The following EPS15 variants were observed in gnomAD, a reference collection of about 807,000 sequenced individuals.
EPS15 encodes the protein epidermal growth factor receptor pathway substrate 15.
A neutral mutation model predicts 113.8 loss-of-function variants in EPS15; 72 were observed. The ratio of observed to expected loss-of-function variants is 0.63; its 90% CI spans 0.52 to 0.77. EPS15 has a LOEUF of 0.77. Ranked by LOEUF, EPS15 falls within the 30% of genes least tolerant of loss-of-function variation. The pLI is 0.00. For synonymous variants in EPS15, 344 were observed against 363.4 expected, an observed-to-expected ratio of 0.95 and a Z score of 0.61; for missense variants, 1,048 against 1,045.8, an observed-to-expected ratio of 1.00 and a Z score of -0.03.
chr1:51,377,461 A>C (rs1468320683), intron 21 of EPS15, among the ~76,000 whole-genome samples: 1 of 152,196 alleles, frequency 6.6e-6, no homozygotes, highest in Admixed American at 6.5e-5. Context: ...GATGTGACTG[A>C]ATTGCTGAAA....
chr1:51,448,118 G>A lies in EPS15; in HGVS notation c.579C>T (p.Tyr193=), dbSNP rs1028708206. 1 of 1,612,184 alleles carries A rather than the reference G, an allele frequency of 6.2e-7. No homozygotes were observed. The highest frequency in any genetic ancestry group is 1.1e-5 in the South Asian group (1 of 90,952). ...DEFAVAMFLV[Y]CALEKEPVPM... is the part of the protein sequence containing the mutation. ...GCACAGGTTCTTTCTCCAGTGCACA[G>A]TATACCAAAAACATGGCCTTCAAAA... Residue 193 remains tyrosine (Y), a synonymous_variant, in exon 9 of 25, where the codon TAC becomes TAT. Transcript: ENST00000371733.
At chr1:51,398,914 TATATGGTCCATTA>T (rs1221712739) in intron 20 of EPS15, 105 bp downstream of exon 20, 1 of 878,906 alleles carries the variant, frequency 1.1e-6, no homozygotes, top group Admixed American at 2.8e-5. Context: ...CTGAAATTCT[TATATGGTCCATTA>T]GAAGTAATCT....
At chr1:51,436,112 G>A (rs1406320546) in intron 12 of EPS15, among the ~76,000 whole-genome samples, 2 of 152,224 alleles carry the variant, frequency 1.3e-5, no homozygotes, top group Non-Finnish European at 2.9e-5. Context: ...CACTGTATCT[G>A]TTCTCAAATA....
intron 21 of EPS15, among the ~76,000 whole-genome samples, chr1:51,384,685 G>A (rs1400033968): frequency 6.6e-6 from 1 of 152,106 alleles, no homozygotes; most frequent in Non-Finnish European, 1.5e-5. Flanking sequence ...CAAACTTTCT[G>A]ATTTCAAATC....
At position 51,461,148 on chromosome 1, in the gene EPS15, A is replaced by G. The variant is rs760745707; in HGVS notation, c.504T>C (p.Val168=). 3 of 1,593,814 alleles carry G rather than the reference A, an allele frequency of 1.9e-6. No individual in the cohort carries two copies. Among genetic ancestry groups the G allele is most frequent in the Admixed American group, 1.7e-5 (1 of 59,956 alleles). ...SKLPVDILGR[V]WELSDIDHDG... is the part of the protein sequence containing the mutation. ...CATGGTCAATATCACTCAACTCCCA[A>G]ACCTTAAAAAGAGAATAATTGAAAA... is the stretch of plus-strand genomic sequence containing the variant. The change falls in exon 8 of 25, where the codon GTT becomes GTC. Residue 168 remains valine, a splice_region_variant and synonymous_variant. Transcript: ENST00000371733.
At chr1:51,445,929 G>A (rs1653012229) in intron 10 of EPS15, among the ~76,000 whole-genome samples, 1 of 152,210 alleles carries the variant, frequency 6.6e-6, no homozygotes, top group Non-Finnish European at 1.5e-5. Context: ...TTAAGCCCGT[G>A]ACAACTGCCA....
At chr1:51,420,382 T>C (rs996263052) in intron 13 of EPS15, among the ~76,000 whole-genome samples, 5 of 152,160 alleles carry the variant, frequency 3.3e-5, no homozygotes. Context: ...GTAGATATAC[T>C]CAACAAAATA....
chr1:51,402,870 A>AC (rs1231279740), intron 17 of EPS15, among the ~76,000 whole-genome samples: 6 of 152,190 alleles, frequency 3.9e-5, no homozygotes, highest in African/African-American at 1.4e-4. Flanking sequence ...ACACTACTGC[A>AC]CTCAAGGCTG....
rs1435437121 is a variant in EPS15 at position 51,399,041 on chromosome 1, A to T, written c.2043T>A (p.Ser681Arg). ...TDPFSAANNSSITSVETLKHN... is the reference protein window; with the variant it reads ...TDPFSAANNSRITSVETLKHN... ...TAATTCTCCCACTTACCGATGTAAT[A>T]CTGCTATTGTTGGCTGCACTGAAAG... The change falls in exon 20 of 25, where the codon AGT (serine) becomes AGA (arginine). Residue 681 changes from serine (S) to arginine (R), a missense_variant. Ser to Arg is a moderately radical substitution (Grantham distance 110). Transcript: ENST00000371733. 6.2e-7 allele frequency: 1 copy of T among 1,613,054 alleles called. No individual in the cohort carries two copies. The highest frequency in any genetic ancestry group is 1.7e-5 in the Admixed American group (1 of 59,696).
In EPS15 at chr1:51,356,392, A is replaced by C. The variant is rs540976530; in HGVS notation, c.*308T>G. ...TATTTCTCTATATTCCAGAAGGCAG[A>C]AGCTTGGGTGCTCTAGCTTTACAAG... On this transcript the variant is annotated 3_prime_UTR_variant, in exon 25 of 25. Transcript: ENST00000371733. The C allele has an allele frequency of 2.8e-3, 849 of 302,580 alleles. 2 individuals carry two copies. Among genetic ancestry groups the C allele is most frequent in the Non-Finnish European group, 3.9e-3 (632 of 163,506 alleles). The allele number at this position is 302,580 out of a possible 1,614,324, so 18.7% of individuals were successfully genotyped here.
intron 21 of EPS15, among the ~76,000 whole-genome samples, chr1:51,384,823 C>A (rs1038999862): frequency 6.6e-6 from 1 of 152,048 alleles, no homozygotes; most frequent in Admixed American, 6.5e-5. Flanking sequence ...TTTCAAGAAA[C>A]GTGCCAAGAA....
chr1:51,394,396 C>T lies in EPS15; in HGVS notation c.2104G>A (p.Ala702Thr), dbSNP rs1647700566. 1.9e-6 allele frequency: 3 copies of T among 1,599,258 alleles called. No homozygotes were observed. The highest frequency in any genetic ancestry group is 8.5e-7 in the Non-Finnish European group (1 of 1,170,022). The change falls in exon 21 of 25, where the codon GCA becomes ACA. Residue 702 changes from alanine to threonine, a missense_variant. Physicochemically the swap from Ala to Thr is moderately conservative, Grantham distance 58. Transcript: ENST00000371733. Reference sequence around the variant, plus strand: ...ATTTATTTACCTGAATCGCTTGCTGCAACAACTGTTCCACCAGGAGCAAAA... The same window carrying T: ...ATTTATTTACCTGAATCGCTTGCTGTAACAACTGTTCCACCAGGAGCAAAA... ...DPFAPGGTVV[A>T]ASDSATDPFA...
chr1:51,506,656 AAC>A (rs1644503445), intron 1 of EPS15, among the ~76,000 whole-genome samples: 1 of 152,058 alleles, frequency 6.6e-6, no homozygotes. Flanking sequence ...CAGAGAGACA[AAC>A]CAGGACATTT....
chr1:51,442,390 T>G (rs1652663181), intron 11 of EPS15, among the ~76,000 whole-genome samples: 1 of 152,110 alleles, frequency 6.6e-6, no homozygotes, highest in African/African-American at 2.4e-5. Context: ...CAAAAAAAGG[T>G]GACTCACATT....
At chr1:51,377,499 G>A (rs1646828303) in intron 21 of EPS15, among the ~76,000 whole-genome samples, 1 of 152,156 alleles carries the variant, frequency 6.6e-6, no homozygotes, top group Non-Finnish European at 1.5e-5. Flanking sequence ...AACCAAAGAG[G>A]AGTTGCCTCT....
chr1:51,354,975 A>G lies in EPS15; in HGVS notation c.*1725T>C, dbSNP rs1646188327. ...TCCTAAGGAGTAAGAGGAAGAAAAT[A>G]AACAAAAATACCACCTATCACAACT... On this transcript the variant is annotated 3_prime_UTR_variant, in exon 25 of 25. Coordinates refer to ENST00000371733, the MANE Select transcript of EPS15 (RefSeq NM_001981.3). 4.5e-6 allele frequency: 1 copy of G among 220,214 alleles called. No homozygotes were observed. The allele number at this position is 220,214 out of a possible 1,614,324, so 13.6% of individuals were successfully genotyped here.
intron 4 of EPS15, among the ~76,000 whole-genome samples, chr1:51,471,307 G>C (rs907856270): frequency 6.6e-6 from 1 of 152,220 alleles, no homozygotes; most frequent in East Asian, 1.9e-4. Context: ...ATCTAGACCA[G>C]AATACTCACA....
chr1:51,462,870 AT>A (rs34320767), intron 7 of EPS15, among the ~76,000 whole-genome samples: 9,354 of 110,944 alleles, frequency 0.084, 245 homozygotes, highest in Non-Finnish European at 0.1. Flanking sequence ...AAAAAGTCAG[AT>A]TTTTTTTTTT....
In EPS15 at chr1:51,356,799, C is replaced by T; in HGVS notation, c.2592G>A (p.Glu864=). The change falls in exon 25 of 25, where the codon GAG becomes GAA. Residue 864 remains glutamate, a synonymous_variant. Coordinates refer to ENST00000371733, the MANE Select transcript of EPS15 (RefSeq NM_001981.3). ...GGGCAAGCCTCTGCTCTTCCTCTCTCTCACTTTCCCTCTTGGCCCATTCGA... is the reference window on the plus strand; with the variant it reads ...GGGCAAGCCTCTGCTCTTCCTCTCTTTCACTTTCCCTCTTGGCCCATTCGA... ...DMIEWAKRES[E]REEEQRLARL... is the part of the protein sequence containing the mutation. The T allele has an allele frequency of 6.2e-7, 1 of 1,613,956 alleles. No individual in the cohort carries two copies. Among genetic ancestry groups the T allele is most frequent in the South Asian group, 1.1e-5 (1 of 91,070 alleles).
Sources: allele counts gnomAD v4.1 joint callset (sites outside exome capture counted in the v4.1 genomes callset), GRCh38; gene constraint gnomAD v4.1.1; transcripts MANE v1.5; gene names NCBI Gene and HGNC (gene_info 2026-07-23, HGNC 2026-07-21).